CRADD: variants seen among roughly 807,000 people sequenced by gnomAD.
CRADD encodes the protein CARD and death domain containing adaptor protein, also known as death domain-containing protein CRADD.
CRADD carries 9 observed loss-of-function variants against 15.5 expected under a neutral mutation model. The ratio of observed to expected loss-of-function variants is 0.58; its 90% CI spans 0.35 to 1.01. The LOEUF is 1.01. Among genes scored for constraint, CRADD ranks in the 50% least tolerant of loss-of-function variants. The probability of loss-of-function intolerance (pLI) is 0.02; values close to 1 mark genes in which losing one functional copy is unlikely to be tolerated. For synonymous variants in CRADD, 118 were observed against 107.6 expected, an observed-to-expected ratio of 1.10 and a Z score of -0.60; for missense variants, 227 against 250.3, an observed-to-expected ratio of 0.91 and a Z score of 0.63.
At chr12:93,871,744 A>G (rs1593055109) in intron 2 of CRADD, among the ~76,000 whole-genome samples, 1 of 152,348 alleles carries the variant, frequency 6.6e-6, no homozygotes, top group African/African-American at 2.4e-5. Context: ...TTGGATTTGC[A>G]TTACTTTTCA....
rs141356366 is a variant in CRADD, at chr12:93,873,605, G to A, written c.299-20445G>A. ...TTTCTTCTTTCCCCAGTTTTTTGAGGGTTTTTAATCATGAAGAGATGTTCA... is the reference window on the plus strand; with the variant it reads ...TTTCTTCTTTCCCCAGTTTTTTGAGAGTTTTTAATCATGAAGAGATGTTCA... On this transcript the variant is annotated intron_variant, in intron 2 of 2. Coordinates refer to the CRADD transcript ENST00000548483. 4.0e-5 allele frequency among the ~76,000 whole-genome samples: 6 copies of A among 151,812 alleles called. No individual in the cohort carries two copies. In the East Asian group the frequency reaches 1.2e-3, roughly 29 times the overall value.
At chr12:93,707,626 C>T (rs138868518) in intron 2 of CRADD, among the ~76,000 whole-genome samples, 14 of 152,254 alleles carry the variant, frequency 9.2e-5, no homozygotes, top group Non-Finnish European at 1.3e-4. Flanking sequence ...TCCCAGAACA[C>T]CAGTTCTCCT....
chr12:93,779,960 A>G (rs1159170366), intron 2 of CRADD, among the ~76,000 whole-genome samples: 1 of 152,214 alleles, frequency 6.6e-6, no homozygotes, highest in Non-Finnish European at 1.5e-5. Context: ...GAAGATTGAA[A>G]GACAAGCACA....
intron 1 of CRADD, 21 bp from the exon 2 acceptor site, chr12:93,678,748 T>G: frequency 1.9e-6 from 3 of 1,599,260 alleles, no homozygotes; most frequent in Non-Finnish European, 2.6e-6. Flanking sequence ...TAATTTGAGC[T>G]GTGATTTTGG....
intron 2 of CRADD, among the ~76,000 whole-genome samples, chr12:93,691,255 C>CTTTTTTTTT (rs66640128): frequency 7.1e-6 from 1 of 141,526 alleles, no homozygotes; most frequent in Non-Finnish European, 1.6e-5. Flanking sequence ...CTTTTGTTTT[C>CTTTTTTTTT]TTTTTTTTTT....
rs1353166862 is a variant in CRADD at position 93,824,837 on chromosome 12, CAG to C, written c.299-25130_299-25129del. Among the ~76,000 whole-genome samples, 2 of 152,138 alleles carry C rather than the reference CAG, an allele frequency of 1.3e-5. No individual in the cohort carries two copies. The highest frequency in any genetic ancestry group is 4.8e-5 in the African/African-American group (2 of 41,430). On this transcript the variant is annotated intron_variant, in intron 2 of 2. Transcript: ENST00000332896. This position sits in a 1 kb window ranked among gnomAD's most constrained non-coding sequence, Gnocchi z 4.3. ...GCAGGAGGTAAAAGCTGCCCCTGGACAGAGTGAAGCATGCAGAGGGAGGCGGA... is the reference window on the plus strand; with the variant it reads ...GCAGGAGGTAAAAGCTGCCCCTGGACAGTGAAGCATGCAGAGGGAGGCGGA...
chr12:93,764,805 A>G (rs1472880202), intron 2 of CRADD, among the ~76,000 whole-genome samples: 2 of 151,142 alleles, frequency 1.3e-5, no homozygotes, highest in Admixed American at 6.6e-5. Flanking sequence ...TTTCTCTCCT[A>G]ATTTTTTTTT....
chr12:93,850,863 A>G, downstream of CRADD: 1 of 422,274 alleles, frequency 2.4e-6, no homozygotes, highest in South Asian at 1.0e-4. This position sits in a 1 kb window ranked among gnomAD's most constrained non-coding sequence, Gnocchi z 4.0. Context: ...ATTAATAGTA[A>G]CAGTGAAATG....
At chr12:93,720,457 A>G (rs1348712018) in intron 2 of CRADD, among the ~76,000 whole-genome samples, 3 of 152,084 alleles carry the variant, frequency 2.0e-5, no homozygotes, top group Non-Finnish European at 2.9e-5. Flanking sequence ...ATTGATGTTG[A>G]GTTTATGTCC....
chr12:93,770,096 C>CTTTTTTTTTTTTTTTTTTTTTTT (rs34791279), intron 2 of CRADD, among the ~76,000 whole-genome samples: 1 of 129,990 alleles, frequency 7.7e-6, no homozygotes, highest in African/African-American at 2.9e-5. Flanking sequence ...CCTATGTTAT[C>CTTTTTTTTTTTTTTTTTTTTTTT]TTTTTTTTTT....
chr12:93,893,150 A>T (rs1388553149), intron 2 of CRADD, among the ~76,000 whole-genome samples: 1 of 152,182 alleles, frequency 6.6e-6, no homozygotes, highest in East Asian at 1.9e-4. Context: ...GAGAAATATT[A>T]GCCTTTAGAG....
rs2137080581 is a variant in CRADD, at chr12:93,891,908, C to T, written c.299-2142C>T. Among the ~76,000 whole-genome samples, 2 of 152,298 alleles carry T rather than the reference C, an allele frequency of 1.3e-5. 1 individual carries two copies. Among genetic ancestry groups the T allele is most frequent in the South Asian group, 4.1e-4 (2 of 4,820 alleles). Reference sequence around the variant, plus strand: ...CTTTCCAAGAATATCCTGTTTTACCCACTACTGTAATTACCAGTATTATGG... The same window carrying T: ...CTTTCCAAGAATATCCTGTTTTACCTACTACTGTAATTACCAGTATTATGG... On this transcript the variant is annotated intron_variant, in intron 2 of 2. Transcript: ENST00000548483.
At chr12:93,889,717 A>G (rs913552974) in intron 2 of CRADD, among the ~76,000 whole-genome samples, 24 of 152,192 alleles carry the variant, frequency 1.6e-4, no homozygotes, top group Non-Finnish European at 1.0e-4. Context: ...CGTAACATAA[A>G]GAGATAGCCC....
chr12:93,854,430 G>A (rs1048383594), downstream of CRADD, among the ~76,000 whole-genome samples: 2 of 152,214 alleles, frequency 1.3e-5, no homozygotes, highest in Admixed American at 1.3e-4. Flanking sequence ...CACCTTTCAA[G>A]CCTCTGTTTG....
intron 2 of CRADD, among the ~76,000 whole-genome samples, chr12:93,729,876 T>G (rs2136908397): frequency 6.6e-6 from 1 of 152,254 alleles, no homozygotes; most frequent in African/African-American, 2.4e-5. Flanking sequence ...GAGAAAATGT[T>G]GGCTATATAT....
intron 2 of CRADD, among the ~76,000 whole-genome samples, chr12:93,856,428 T>TGG (rs1391029520): frequency 1.3e-5 from 2 of 152,336 alleles, no homozygotes; most frequent in South Asian, 4.1e-4. Flanking sequence ...GATCTCAGCC[T>TGG]GCTGGGGAGA....
At chr12:93,793,441 C>T (rs150674354) in intron 2 of CRADD, among the ~76,000 whole-genome samples, 3 of 152,254 alleles carry the variant, frequency 2.0e-5, no homozygotes, top group East Asian at 1.9e-4. Flanking sequence ...GGAAACCCCT[C>T]GTGGTCCATT....
chr12:93,865,604 A>G (rs965398132), intron 2 of CRADD, among the ~76,000 whole-genome samples: 1 of 151,958 alleles, frequency 6.6e-6, no homozygotes, highest in African/African-American at 2.4e-5. Context: ...AATTTTTTGT[A>G]GAGATGACTA....
intron 2 of CRADD, among the ~76,000 whole-genome samples, chr12:93,747,095 C>CT (rs34217316): frequency 0.016 from 2,394 of 152,110 alleles, 24 homozygotes; most frequent in Non-Finnish European, 0.023. Context: ...CTTTATTACA[C>CT]TTTTTTTAAA....
Sources: allele counts gnomAD v4.1 joint callset (sites outside exome capture counted in the v4.1 genomes callset), GRCh38; gene constraint gnomAD v4.1.1; non-coding constraint Gnocchi (gnomAD v3.1); transcripts MANE v1.5; gene names NCBI Gene and HGNC (gene_info 2026-07-23, HGNC 2026-07-21).